SUMF1: variants seen among roughly 807,000 people sequenced by gnomAD.
The protein encoded by SUMF1 is formylglycine-generating enzyme.
A neutral mutation model predicts 47.6 loss-of-function variants in SUMF1; 48 were observed. The observed-to-expected ratio is 1.01, with a 90% CI of 0.80 to 1.28. The LOEUF is 1.28. Among genes scored for constraint, SUMF1 ranks in the 50% most tolerant of loss-of-function variants. The probability of loss-of-function intolerance (pLI) is 0.00; values close to 1 mark genes in which losing one functional copy is unlikely to be tolerated. For synonymous variants in SUMF1, 230 were observed against 192.1 expected, an observed-to-expected ratio of 1.20 and a Z score of -1.63; for missense variants, 571 against 485.4, an observed-to-expected ratio of 1.18 and a Z score of -1.66.
intron 7 of SUMF1, among the ~76,000 whole-genome samples, chr3:4,399,905 G>A (rs777799839): frequency 5.3e-5 from 8 of 151,984 alleles, no homozygotes; most frequent in African/African-American, 1.7e-4. Flanking sequence ...CTACAGGCCC[G>A]TGCCACCACA....
At chr3:4,456,144 A>C (rs1214261848) in intron 1 of SUMF1, among the ~76,000 whole-genome samples, 1 of 152,230 alleles carries the variant, frequency 6.6e-6, no homozygotes, top group Admixed American at 6.5e-5. Flanking sequence ...CAATATATGC[A>C]AAGGCATTGA....
chr3:4,067,625 C>T (rs1277161322), intron 9 of SUMF1, among the ~76,000 whole-genome samples: 3 of 152,206 alleles, frequency 2.0e-5, no homozygotes, highest in South Asian at 2.1e-4. Context: ...AGCTCATCCA[C>T]CTGGTTATGG....
At chr3:4,398,748 CT>C (rs1701116090) in intron 7 of SUMF1, among the ~76,000 whole-genome samples, 1 of 152,194 alleles carries the variant, frequency 6.6e-6, no homozygotes, top group Admixed American at 6.5e-5. Flanking sequence ...CTCCCACTTG[CT>C]TTTGGAAGAA....
rs554719327 is a variant in SUMF1, at chr3:4,326,134, A to G, written c.1014+50196T>C. Among the ~76,000 whole-genome samples, 25 of 152,304 alleles carry G rather than the reference A, an allele frequency of 1.6e-4. No homozygotes were observed. The South Asian group carries it at 4.8e-3, about 29-fold the overall frequency. On this transcript the variant is annotated intron_variant and NMD_transcript_variant, in intron 8 of 12. Transcript: ENST00000448413. Reference sequence around the variant, plus strand: ...ACAGTGCCCAGCTATCTTTTGAAACATAACTTTTTTCTCTCAATCCTTTAT... The same window carrying G: ...ACAGTGCCCAGCTATCTTTTGAAACGTAACTTTTTTCTCTCAATCCTTTAT...
At chr3:4,205,305 C>A (rs543153709) in intron 8 of SUMF1, among the ~76,000 whole-genome samples, 1 of 152,306 alleles carries the variant, frequency 6.6e-6, no homozygotes, top group African/African-American at 2.4e-5. Context: ...ATCCCCAAAA[C>A]CTATAAGAAC....
chr3:4,184,405 A>G (rs1236893991), intron 8 of SUMF1, among the ~76,000 whole-genome samples: 1 of 151,568 alleles, frequency 6.6e-6, no homozygotes, highest in Non-Finnish European at 1.5e-5. Flanking sequence ...GCAGGGAGCC[A>G]AGATCATGCT....
chr3:4,152,594 AG>A (rs1694362339), intron 8 of SUMF1, among the ~76,000 whole-genome samples: 1 of 151,364 alleles, frequency 6.6e-6, no homozygotes, highest in African/African-American at 2.5e-5. Flanking sequence ...TGCCTGGCCC[AG>A]TGTGGTTTCT....
chr3:4,337,867 C>T (rs928726960), intron 8 of SUMF1, among the ~76,000 whole-genome samples: 15 of 73,236 alleles, frequency 2.0e-4, no homozygotes, highest in African/African-American at 1.2e-3. Flanking sequence ...TGAAAATAAC[C>T]TTGTTTCCCT....
intron 8 of SUMF1, among the ~76,000 whole-genome samples, chr3:4,233,434 G>A (rs558180457): frequency 6.6e-6 from 1 of 151,866 alleles, no homozygotes; most frequent in African/African-American, 2.4e-5. Flanking sequence ...TTTCTCACAA[G>A]CTCTTCTTCC....
intron 8 of SUMF1, among the ~76,000 whole-genome samples, chr3:4,069,434 A>T (rs2125034414): frequency 6.6e-6 from 1 of 152,314 alleles, no homozygotes; most frequent in Admixed American, 6.5e-5. Flanking sequence ...TTATCACTGA[A>T]CTTATATTTT....
chr3:4,034,913 G>A (rs759880674), intron 9 of SUMF1, among the ~76,000 whole-genome samples: 3 of 151,690 alleles, frequency 2.0e-5, no homozygotes, highest in African/African-American at 4.8e-5. Context: ...AGCAGATTAC[G>A]GTGTAAGATT....
At chr3:4,240,238 G>C (rs920171403) in intron 8 of SUMF1, among the ~76,000 whole-genome samples, 13 of 151,758 alleles carry the variant, frequency 8.6e-5, no homozygotes, top group African/African-American at 3.1e-4. Flanking sequence ...TCTTTTTTTT[G>C]TTGTGTCTCT....
At chr3:4,246,654 C>A (rs1325896834) in intron 8 of SUMF1, among the ~76,000 whole-genome samples, 1 of 152,150 alleles carries the variant, frequency 6.6e-6, no homozygotes, top group Admixed American at 6.5e-5. Flanking sequence ...CCTGCCTCAG[C>A]ATCCCAAAGT....
intron 7 of SUMF1, among the ~76,000 whole-genome samples, chr3:4,396,862 C>G (rs955143421): frequency 6.6e-6 from 1 of 152,198 alleles, no homozygotes; most frequent in East Asian, 1.9e-4. Context: ...TACATATGCT[C>G]TGTTTAAGAA....
chr3:4,448,633 C>T, intron 3 of SUMF1, among the ~76,000 whole-genome samples: 1 of 152,188 alleles, frequency 6.6e-6, no homozygotes, highest in African/African-American at 2.4e-5. Flanking sequence ...ATGTCTGGAA[C>T]AAGAATCCCA....
At chr3:4,260,315 T>A (rs1443899424) in intron 8 of SUMF1, among the ~76,000 whole-genome samples, 1 of 152,204 alleles carries the variant, frequency 6.6e-6, no homozygotes, top group Admixed American at 6.5e-5. Context: ...GGCTAATTGA[T>A]ACCAGGCAAT....
rs1359106679 is a variant in SUMF1 at position 4,420,137 on chromosome 3, C to A, written c.529G>T (p.Ala177Ser). Reference sequence around the variant, plus strand: ...CCTTTCACAGGTAACCACCAGGGAGCAGCTGCAACCTCAAAGCAACCCAGA... The same window carrying A: ...CCTTTCACAGGTAACCACCAGGGAGAAGCTGCAACCTCAAAGCAACCCAGA... ...KTNIQQAVAA[A>S]PWWLPVKGAN... The change falls in exon 4 of 9, where the codon GCT becomes TCT. Residue 177 changes from alanine to serine, a missense_variant. Transcript: ENST00000272902. 2 of 1,613,856 alleles carry A rather than the reference C, an allele frequency of 1.2e-6. No homozygotes were observed. The highest frequency in any genetic ancestry group is 1.6e-4 in the Middle Eastern group (1 of 6,062).
At chr3:4,397,508 A>G (rs1701076648) in intron 7 of SUMF1, among the ~76,000 whole-genome samples, 1 of 152,242 alleles carries the variant, frequency 6.6e-6, no homozygotes, top group South Asian at 2.1e-4. Flanking sequence ...ACAATTCATT[A>G]GCAAGTTATG....
chr3:4,381,959 C>A (rs989637333), intron 7 of SUMF1, among the ~76,000 whole-genome samples: 3 of 152,136 alleles, frequency 2.0e-5, no homozygotes, highest in Non-Finnish European at 2.9e-5. Context: ...GGCAGGAGAA[C>A]CATTTGAGCT....
Sources: gnomAD v4.1 joint callset for allele counts (sites outside exome capture counted in the v4.1 genomes callset) on GRCh38, gnomAD v4.1.1 for gene constraint, MANE v1.5 for transcripts, NCBI Gene and HGNC (gene_info 2026-07-23, HGNC 2026-07-21) for gene names.